Variants in TMPRSS15 observed in about 807,000 individuals in gnomAD.
TMPRSS15 encodes the protein transmembrane serine protease 15.
A neutral mutation model predicts 125.3 loss-of-function variants in TMPRSS15; 128 were observed. The observed-to-expected ratio is 1.02, with a 90% CI of 0.89 to 1.18. TMPRSS15 has a LOEUF of 1.18. Ranked by LOEUF, TMPRSS15 falls within the 50% of genes most tolerant of loss-of-function variation. TMPRSS15 has a pLI of 0.00. For missense variants in TMPRSS15, 1,283 were observed against 1,212.7 expected, an observed-to-expected ratio of 1.06 and a Z score of -0.86; for synonymous variants, 446 against 423.2, an observed-to-expected ratio of 1.05 and a Z score of -0.66.
chr21:18,314,139 T>C (rs1010883613), intron 17 of TMPRSS15, among the ~76,000 whole-genome samples: 14 of 152,110 alleles, frequency 9.2e-5, no homozygotes, highest in African/African-American at 3.4e-4. Context: ...TTTCCTATTA[T>C]GACAAGAGCT....
chr21:18,294,151 G>T, intron 21 of TMPRSS15, 119 bp downstream of exon 21: 2 of 1,174,592 alleles, frequency 1.7e-6, no homozygotes, highest in Non-Finnish European at 1.2e-6. Flanking sequence ...TGTTTATAAT[G>T]TCATAAACAG....
intron 16 of TMPRSS15, among the ~76,000 whole-genome samples, chr21:18,317,491 G>A (rs958984919): frequency 1.3e-5 from 2 of 152,014 alleles, no homozygotes; most frequent in Non-Finnish European, 2.9e-5. Context: ...CCAAGTGTGG[G>A]ATGCCCTAAG....
At chr21:18,341,269 C>CT in intron 13 of TMPRSS15, 144 bp downstream of exon 13, 5 of 957,882 alleles carry the variant, frequency 5.2e-6, no homozygotes, top group Non-Finnish European at 8.2e-6. Context: ...CAGAGTCTCG[C>CT]TGTAATCCTC....
At chr21:18,374,659 T>C (rs1281608532) in intron 5 of TMPRSS15, among the ~76,000 whole-genome samples, 1 of 152,110 alleles carries the variant, frequency 6.6e-6, no homozygotes, top group African/African-American at 2.4e-5. Flanking sequence ...GGTGATGGCA[T>C]TGGAAGATTT....
At chr21:18,453,322 C>G (rs1034807958) in intron 1 of TMPRSS15, among the ~76,000 whole-genome samples, 1 of 152,206 alleles carries the variant, frequency 6.6e-6, no homozygotes, top group Non-Finnish European at 1.5e-5. Flanking sequence ...ATGCTCTCCA[C>G]CCCATATCTC....
chr21:18,392,947 A>G (rs565179963), intron 3 of TMPRSS15, among the ~76,000 whole-genome samples: 2 of 152,270 alleles, frequency 1.3e-5, no homozygotes, highest in African/African-American at 4.8e-5. Context: ...ACCTCCCACC[A>G]GGTCCCTCCC....
intron 22 of TMPRSS15, among the ~76,000 whole-genome samples, chr21:18,280,284 C>T (rs1422486795): frequency 2.0e-5 from 3 of 152,112 alleles, no homozygotes; most frequent in Admixed American, 6.5e-5. Context: ...TTAAAAACTT[C>T]ATCCTATGAA....
chr21:18,312,449 G>T (rs2075109766), intron 18 of TMPRSS15, among the ~76,000 whole-genome samples: 1 of 150,198 alleles, frequency 6.7e-6, no homozygotes, highest in African/African-American at 2.4e-5. Context: ...AGCGGGAGAG[G>T]TTATGCAAAA....
intron 1 of TMPRSS15, among the ~76,000 whole-genome samples, chr21:18,479,077 A>T (rs1274406080): frequency 6.6e-6 from 1 of 151,962 alleles, no homozygotes; most frequent in Non-Finnish European, 1.5e-5. Context: ...TCCAGTGAGC[A>T]TTCATTTGAT....
intron 21 of TMPRSS15, among the ~76,000 whole-genome samples, chr21:18,292,486 A>G (rs2074850229): frequency 6.6e-6 from 1 of 152,188 alleles, no homozygotes; most frequent in South Asian, 2.1e-4. Context: ...TATTTTCTAC[A>G]CATATTTGTT....
At chr21:18,411,891 C>A (rs2076166770) in intron 1 of TMPRSS15, among the ~76,000 whole-genome samples, 1 of 152,144 alleles carries the variant, frequency 6.6e-6, no homozygotes, top group Non-Finnish European at 1.5e-5. Context: ...CTATTCATGG[C>A]AGTATTCAAA....
chr21:18,275,316 G>A lies in TMPRSS15; in HGVS notation c.2785C>T (p.Gln929Ter), dbSNP rs1228690395. 4 of 1,613,844 alleles carry A rather than the reference G, an allele frequency of 2.5e-6. No homozygotes were observed. The highest frequency in any genetic ancestry group is 2.5e-6 in the Non-Finnish European group (3 of 1,179,986). Residue 929 changes from glutamine to a stop codon, truncating the protein, a stop_gained, in exon 24 of 25, where the codon CAA becomes TAA. Transcript: ENST00000284885. LOFTEE classifies it high-confidence loss of function. Reference sequence around the variant, plus strand: ...GATAGAAGAGGAACATCAGCTTCTTGCAATATGTTTGCAGTAGTACCTGCT... The same window carrying A: ...GATAGAAGAGGAACATCAGCTTCTTACAATATGTTTGCAGTAGTACCTGCT... ...VYQGTTANIL[Q>*]EADVPLLSNE...
At chr21:18,316,637 G>A (rs2075170074) in intron 16 of TMPRSS15, among the ~76,000 whole-genome samples, 1 of 152,186 alleles carries the variant, frequency 6.6e-6, no homozygotes, top group African/African-American at 2.4e-5. Context: ...AAAAACCTGG[G>A]CAAAGAAGAA....
rs534890243 is a variant in TMPRSS15, at chr21:18,440,150, G to A, written c.11-41821C>T. Among the ~76,000 whole-genome samples, 45 of 151,862 alleles carry A rather than the reference G, an allele frequency of 3.0e-4. 2 individuals are homozygous for A. Among genetic ancestry groups the A allele is most frequent in the Middle Eastern group, 6.8e-3 (2 of 294 alleles). ...AGCACTTTGGGAGGCCGAGACGGGC[G>A]GATCACGAGGTCAGGAGATTGAGAC... On this transcript the variant is annotated intron_variant, in intron 1 of 7. Coordinates refer to the TMPRSS15 transcript ENST00000422787.
Position 18,269,658 on chromosome 21 carries a change from A to C in TMPRSS15, c.*311T>G, listed in dbSNP as rs1281602890. ...TGTATGGTATATGCTTTAAAATAACATCCCTTTAAACAACAGTAAGTAATA... is the reference window on the plus strand; with the variant it reads ...TGTATGGTATATGCTTTAAAATAACCTCCCTTTAAACAACAGTAAGTAATA... On this transcript the variant is annotated 3_prime_UTR_variant, in exon 25 of 25. Transcript: ENST00000284885. The C allele has an allele frequency of 7.0e-6, 2 of 285,064 alleles. No individual in the cohort carries two copies. The highest frequency in any genetic ancestry group is 1.7e-4 in the East Asian group (2 of 11,522). 17.7% of individuals were successfully genotyped at this position (285,064 alleles called of 1,614,324 possible). A position where few individuals can be genotyped will look rare whatever the true frequency, so the allele number is the denominator to read the frequency against.
chr21:18,372,855 C>T (rs1172802803), intron 5 of TMPRSS15, among the ~76,000 whole-genome samples: 1 of 152,316 alleles, frequency 6.6e-6, no homozygotes, highest in African/African-American at 2.4e-5. Flanking sequence ...CTGACTTGTC[C>T]TTCACTTGCC....
chr21:18,311,818 C>T (rs2075103773), intron 18 of TMPRSS15, among the ~76,000 whole-genome samples: 1 of 152,044 alleles, frequency 6.6e-6, no homozygotes, highest in South Asian at 2.1e-4. Context: ...TTCACAATAG[C>T]CAACATTTGG....
chr21:18,371,262 C>T lies in TMPRSS15; in HGVS notation c.664+931G>A, dbSNP rs184296140. Reference sequence around the variant, plus strand: ...AATGATGTGCAATTTTATACTTATACATTGTTTATTTCTGGAATTTTCCAT... The same window carrying T: ...AATGATGTGCAATTTTATACTTATATATTGTTTATTTCTGGAATTTTCCAT... On this transcript the variant is annotated intron_variant, in intron 6 of 24. Transcript: ENST00000284885. Among the ~76,000 whole-genome samples, 21 of 152,222 alleles carry T rather than the reference C, an allele frequency of 1.4e-4. No individual in the cohort carries two copies. In the East Asian group the frequency reaches 3.9e-3, roughly 28 times the overall value.
At chr21:18,451,588 C>A (rs957637051) in intron 1 of TMPRSS15, among the ~76,000 whole-genome samples, 5 of 152,044 alleles carry the variant, frequency 3.3e-5, no homozygotes, top group Non-Finnish European at 7.4e-5. Flanking sequence ...GCAGAAGAGC[C>A]CTGTGTGCTT....
Sources: allele counts gnomAD v4.1 joint callset (sites outside exome capture counted in the v4.1 genomes callset), GRCh38; gene constraint gnomAD v4.1.1; transcripts MANE v1.5; gene names NCBI Gene and HGNC (gene_info 2026-07-23, HGNC 2026-07-21).